The following PTPRN2 variants were observed in gnomAD, a reference collection of about 807,000 sequenced individuals.
PTPRN2 encodes the protein receptor-type tyrosine-protein phosphatase N2.
In PTPRN2, 74 loss-of-function variants were observed where a neutral mutation model predicts 118.8. The observed-to-expected ratio is 0.62, with a 90% CI of 0.52 to 0.76. The LOEUF (loss-of-function observed/expected upper bound fraction) is 0.76. Among genes scored for constraint, PTPRN2 ranks in the 30% least tolerant of loss-of-function variants. The pLI is 0.00. For synonymous variants in PTPRN2, 641 were observed against 608.0 expected, an observed-to-expected ratio of 1.05 and a Z score of -0.80; for missense variants, 1,481 against 1,394.4, an observed-to-expected ratio of 1.06 and a Z score of -0.99.
intron 16 of PTPRN2, 85 bp from the exon 17 acceptor site, chr7:157,595,400 AAGGTTAGGAAACCCGG>A: frequency 8.0e-7 from 1 of 1,252,946 alleles, no homozygotes; most frequent in South Asian, 1.3e-5. Context: ...AGGAAGCCAG[AAGGTTAGGAAACCCGG>A]AGGTTAGGAA....
intron 13 of PTPRN2, among the ~76,000 whole-genome samples, chr7:157,669,073 A>T (rs533780356): frequency 5.3e-5 from 8 of 152,058 alleles, no homozygotes; most frequent in African/African-American, 1.9e-4. Flanking sequence ...TTACACAAAC[A>T]CTCCACCATG....
intron 10 of PTPRN2, among the ~76,000 whole-genome samples, chr7:158,094,639 CA>C (rs1236235024): frequency 6.6e-6 from 1 of 152,232 alleles, no homozygotes; most frequent in Non-Finnish European, 1.5e-5. Flanking sequence ...GCTTCGCTCT[CA>C]TGATGCTTAA....
At chr7:157,767,193 G>A (rs1204778120) in intron 12 of PTPRN2, among the ~76,000 whole-genome samples, 2 of 152,170 alleles carry the variant, frequency 1.3e-5, no homozygotes, top group East Asian at 3.9e-4. Context: ...ACATGAAGTA[G>A]CCAGGCTGTG....
chr7:157,923,997 G>A (rs963785808), intron 11 of PTPRN2, among the ~76,000 whole-genome samples: 1 of 152,168 alleles, frequency 6.6e-6, no homozygotes, highest in Admixed American at 6.5e-5. Flanking sequence ...GTTCCATTCT[G>A]GATACCGCTG....
chr7:158,581,586 G>A (rs1383990975), intron 1 of PTPRN2, among the ~76,000 whole-genome samples: 1 of 152,176 alleles, frequency 6.6e-6, no homozygotes, highest in East Asian at 1.9e-4. Context: ...GTAACTATTA[G>A]TTCATCCCCT....
intron 2 of PTPRN2, among the ~76,000 whole-genome samples, chr7:158,324,726 G>C (rs1803345617): frequency 6.6e-6 from 1 of 151,870 alleles, no homozygotes; most frequent in South Asian, 2.1e-4. Flanking sequence ...CCCCCAGAGG[G>C]TCCTGTTGCT....
intron 2 of PTPRN2, among the ~76,000 whole-genome samples, chr7:158,366,496 T>C (rs1809537368): frequency 6.6e-6 from 1 of 152,176 alleles, no homozygotes; most frequent in East Asian, 1.9e-4. Context: ...AGCACATGTG[T>C]AAGCTGCCAA....
In PTPRN2 at chr7:157,855,308, C is replaced by T. The variant is rs573048738; in HGVS notation, c.1788+43365G>A. Among the ~76,000 whole-genome samples the T allele has an allele frequency of 6.4e-4, 98 of 152,314 alleles. 1 individual carries two copies. The highest frequency in any genetic ancestry group is 2.1e-3 in the African/African-American group (89 of 41,556). The stretch of plus-strand genomic sequence containing the variant: ...GGCCCCAACCCACGCGCCGGCTTCT[C>T]GAGCTCGGCCTCTTAAGTGACAGAC... On this transcript the variant is annotated intron_variant, in intron 12 of 22. Transcript: ENST00000389418.
At chr7:158,297,927 T>C (rs1800612726) in intron 3 of PTPRN2, among the ~76,000 whole-genome samples, 1 of 152,248 alleles carries the variant, frequency 6.6e-6, no homozygotes, top group Non-Finnish European at 1.5e-5. Flanking sequence ...TTAATGAATA[T>C]AGACTAACTC....
At chr7:157,917,780 C>T (rs1270252355) in intron 11 of PTPRN2, among the ~76,000 whole-genome samples, 3 of 152,072 alleles carry the variant, frequency 2.0e-5, no homozygotes, top group East Asian at 3.9e-4. Context: ...AAGGAAGGGA[C>T]GGCCCCAGGT....
At chr7:157,919,746 A>T (rs1386465510) in intron 11 of PTPRN2, among the ~76,000 whole-genome samples, 1 of 152,190 alleles carries the variant, frequency 6.6e-6, no homozygotes, top group African/African-American at 2.4e-5. Flanking sequence ...AGCCCTTAAG[A>T]CCATTTATAT....
At chr7:158,262,079 C>T (rs1480905869) in intron 3 of PTPRN2, among the ~76,000 whole-genome samples, 1 of 152,154 alleles carries the variant, frequency 6.6e-6, no homozygotes, top group African/African-American at 2.4e-5. Context: ...TCCCAGAGCA[C>T]GAAGAGCTCC....
At chr7:157,714,948 T>C (rs1170905996) in intron 12 of PTPRN2, among the ~76,000 whole-genome samples, 1 of 152,124 alleles carries the variant, frequency 6.6e-6, no homozygotes, top group Non-Finnish European at 1.5e-5. Flanking sequence ...ATTCTGGGTC[T>C]CCCGCTTTCC....
At chr7:158,128,705 G>T (rs367931097) in intron 9 of PTPRN2, among the ~76,000 whole-genome samples, 51 of 152,012 alleles carry the variant, frequency 3.4e-4, no homozygotes, top group African/African-American at 1.2e-3. Flanking sequence ...AAACCACACC[G>T]GCCTCCTGCT....
intron 12 of PTPRN2, among the ~76,000 whole-genome samples, chr7:157,687,646 G>C (rs1797264371): frequency 6.6e-6 from 1 of 152,126 alleles, no homozygotes; most frequent in African/African-American, 2.4e-5. Flanking sequence ...TTAATGAGTT[G>C]CTGTAACAAG....
At chr7:158,419,983 C>T (rs1237070527) in intron 2 of PTPRN2, among the ~76,000 whole-genome samples, 3 of 152,164 alleles carry the variant, frequency 2.0e-5, no homozygotes, top group Non-Finnish European at 4.4e-5. Flanking sequence ...ACTCAACAGG[C>T]ATCTGTTGAA....
chr7:157,767,592 T>A (rs1802560615), intron 12 of PTPRN2, among the ~76,000 whole-genome samples: 1 of 152,204 alleles, frequency 6.6e-6, no homozygotes, highest in Non-Finnish European at 1.5e-5. Context: ...TGGGTGCAAG[T>A]CAGCAACTGG....
In PTPRN2 at chr7:157,881,051, T is replaced by C. The variant is rs1258103650; in HGVS notation, c.1788+17622A>G. 6.6e-6 allele frequency among the ~76,000 whole-genome samples: 1 copy of C among 150,586 alleles called. No individual in the cohort carries two copies. Among genetic ancestry groups the C allele is most frequent in the African/African-American group, 2.5e-5 (1 of 40,216 alleles). On this transcript the variant is annotated intron_variant, in intron 12 of 22. Coordinates refer to ENST00000389418, the MANE Select transcript of PTPRN2 (RefSeq NM_002847.5). The surrounding 1 kb of genome is among the most constrained non-coding windows in gnomAD (Gnocchi z 4.7). ...CTGTATGTGGAGATGGAGTTGTCTA[T>C]AGGAGTCATTACGGTAAAATGAGGT...
At chr7:158,077,478 A>AAAGGGGGAAACTGCTCAGGACAGG (rs1157058678) in intron 11 of PTPRN2, among the ~76,000 whole-genome samples, 42 of 152,098 alleles carry the variant, frequency 2.8e-4, no homozygotes, top group African/African-American at 9.4e-4. Flanking sequence ...TGCTGAGGTC[A>AAAGGGGGAAACTGCTCAGGACAGG]AAGGGGGAAA....
Sources: gnomAD v4.1 joint callset for allele counts (sites outside exome capture counted in the v4.1 genomes callset) on GRCh38, gnomAD v4.1.1 for gene constraint, Gnocchi (gnomAD v3.1) non-coding constraint, MANE v1.5 for transcripts, NCBI Gene and HGNC (gene_info 2026-07-23, HGNC 2026-07-21) for gene names.